Variants in KANSL2 observed in about 807,000 individuals in gnomAD.
KANSL2 encodes the protein NSL complex protein NSL2.
KANSL2 carries 34 observed loss-of-function variants against 55.6 expected under a neutral mutation model. The observed-to-expected ratio is 0.61, with a 90% CI of 0.46 to 0.81. The LOEUF is 0.81. Among genes scored for constraint, KANSL2 ranks in the 40% least tolerant of loss-of-function variants. The probability of loss-of-function intolerance (pLI) is 0.00; values close to 1 mark genes in which losing one functional copy is unlikely to be tolerated. For synonymous variants in KANSL2, 209 were observed against 214.3 expected (o/e 0.98, Z 0.22); for missense variants, 502 against 609.9 (o/e 0.82, Z 1.86).
intron 4 of KANSL2, among the ~76,000 whole-genome samples, chr12:48,672,390 C>CGT (rs1565608328): frequency 2.3e-4 from 29 of 127,320 alleles, no homozygotes; most frequent in African/African-American, 9.1e-4. Flanking sequence ...TATATATATA[C>CGT]ATGTATATAT....
chr12:48,682,197 G>C lies in KANSL2; in HGVS notation c.-20C>G, dbSNP rs550584533. On this transcript the variant is annotated 5_prime_UTR_variant, in exon 1 of 10. Coordinates refer to ENST00000420613, the MANE Select transcript of KANSL2 (RefSeq NM_017822.4). ...GCACCGCCATCTTACCTCAGGAGCT[G>C]CGCTGCGCCGCACTCTGCCGCGCCG... The C allele has an allele frequency of 3.8e-5, 26 of 676,450 alleles. No homozygotes were observed. In the East Asian group the frequency reaches 6.8e-4, roughly 18 times the overall value. The allele number at this position is 676,450 out of a possible 1,614,324, so 41.9% of individuals were successfully genotyped here. A position where few individuals can be genotyped will look rare whatever the true frequency, so the allele number is the denominator to read the frequency against.
At chr12:48,655,802 T>C (rs1402553854) in intron 8 of KANSL2, among the ~76,000 whole-genome samples, 1 of 152,116 alleles carries the variant, frequency 6.6e-6, no homozygotes, top group Non-Finnish European at 1.5e-5. Context: ...GGCTCATGCC[T>C]ATGATAACAA....
At chr12:48,681,950 C>T in intron 1 of KANSL2, 2 of 702,948 alleles carry the variant, frequency 2.8e-6, no homozygotes, top group Non-Finnish European at 5.2e-6. Flanking sequence ...CCTCCCCGCA[C>T]GCCGCCTTTG....
Position 48,654,679 on chromosome 12 carries a change from T to C in KANSL2, c.1347+262A>G, listed in dbSNP as rs919712783. 1.5e-5 allele frequency: 8 copies of C among 542,842 alleles called. No individual in the cohort carries two copies. The East Asian group carries it at 2.9e-4, about 19-fold the overall frequency. 33.6% of individuals were successfully genotyped at this position (542,842 alleles called of 1,614,324 possible). Reference sequence around the variant, plus strand: ...ATTTAAATAAATGTATGTCCTACTCTGGGATATGAGGATCACGGGCCATTA... The same window carrying C: ...ATTTAAATAAATGTATGTCCTACTCCGGGATATGAGGATCACGGGCCATTA... On this transcript the variant is annotated intron_variant, in intron 9 of 9. Coordinates refer to ENST00000420613, the MANE Select transcript of KANSL2 (RefSeq NM_017822.4).
At chr12:48,675,927 C>T (rs1034127054) in intron 4 of KANSL2, among the ~76,000 whole-genome samples, 1 of 152,048 alleles carries the variant, frequency 6.6e-6, no homozygotes, top group Non-Finnish European at 1.5e-5. Context: ...GGGCATTCTC[C>T]AAATTTATTT....
In KANSL2 at chr12:48,667,699, G is replaced by A. The variant is rs754135506; in HGVS notation, c.967C>T (p.Leu323Phe). The A allele has an allele frequency of 1.2e-6, 2 of 1,610,478 alleles. No homozygotes were observed. The highest frequency in any genetic ancestry group is 2.2e-5 in the East Asian group (1 of 44,862). Reference sequence around the variant, plus strand: ...AGGCAGAGTAAAAAGATACGGGTAAGGCAGTGTCTGGTCATTGGAAGAGAC... The same window carrying A: ...AGGCAGAGTAAAAAGATACGGGTAAAGCAGTGTCTGGTCATTGGAAGAGAC... ...NQSLPMTRHC[L>F]THICQDTNQV... Residue 323 changes from leucine (L) to phenylalanine (F), a missense_variant, in exon 7 of 10, where the codon CTT becomes TTT. By Grantham distance (22) the Leu-to-Phe change is conservative. Coordinates refer to ENST00000420613, the MANE Select transcript of KANSL2 (RefSeq NM_017822.4).
At chr12:48,663,913 CTTTTTTTTT>C (rs34879709) in intron 7 of KANSL2, among the ~76,000 whole-genome samples, 1 of 112,566 alleles carries the variant, frequency 8.9e-6, no homozygotes, top group South Asian at 3.1e-4. Flanking sequence ...AACTATTAGC[CTTTTTTTTT>C]TTTTTTTTTT....
chr12:48,657,659 C>G (rs1255082247), intron 8 of KANSL2, among the ~76,000 whole-genome samples: 1 of 152,028 alleles, frequency 6.6e-6, no homozygotes, highest in Non-Finnish European at 1.5e-5. Flanking sequence ...TCTTGTTACC[C>G]AGGCTGGAGT....
chr12:48,681,887 A>G, intron 1 of KANSL2: 1 of 703,810 alleles, frequency 1.4e-6, no homozygotes, highest in East Asian at 2.7e-5. Flanking sequence ...GGACTCGCAC[A>G]GCTGCAGCAC....
chr12:48,672,177 T>C (rs558476953), intron 4 of KANSL2, among the ~76,000 whole-genome samples: 1 of 151,934 alleles, frequency 6.6e-6, no homozygotes, highest in East Asian at 1.9e-4. Flanking sequence ...TTTCCCAAAA[T>C]GGGGGAAGGA....
At chr12:48,671,274 T>TA (rs10648260) in intron 5 of KANSL2, among the ~76,000 whole-genome samples, 60,517 of 142,164 alleles carry the variant, frequency 0.43, 13,290 homozygotes, top group African/African-American at 0.53. Flanking sequence ...CCGTCTCAAT[T>TA]AAAAAAAAAA....
chr12:48,678,354 G>A lies in KANSL2; in HGVS notation c.545+682C>T, dbSNP rs139715116. Among the ~76,000 whole-genome samples, 139 of 152,218 alleles carry A rather than the reference G, an allele frequency of 9.1e-4. 1 individual carries two copies. The East Asian group carries it at 0.023, about 26-fold the overall frequency. On this transcript the variant is annotated intron_variant, in intron 4 of 9. Transcript: ENST00000420613. ...TAAGTGAAGAGCAGAAGCTTACTAAGATATAAACCTGATTAAGATATAATC... is the reference window on the plus strand; with the variant it reads ...TAAGTGAAGAGCAGAAGCTTACTAAAATATAAACCTGATTAAGATATAATC...
At chr12:48,656,665 G>C (rs554025115) in intron 8 of KANSL2, 1 of 505,544 alleles carries the variant, frequency 2.0e-6, no homozygotes, top group African/African-American at 2.0e-5. Flanking sequence ...TCTTCCAACT[G>C]AATTGGCAAT....
chr12:48,671,723 T>G, intron 5 of KANSL2, 76 bp downstream of exon 5: 1 of 1,389,888 alleles, frequency 7.2e-7, no homozygotes, highest in Non-Finnish European at 9.9e-7. Flanking sequence ...TCCCCATCAT[T>G]AAGTGACACA....
At chr12:48,666,514 G>A (rs962894618) in intron 7 of KANSL2, among the ~76,000 whole-genome samples, 5 of 151,820 alleles carry the variant, frequency 3.3e-5, no homozygotes, top group Non-Finnish European at 7.4e-5. Flanking sequence ...CCAACATGGT[G>A]AAACCCCATC....
intron 1 of KANSL2, chr12:48,681,916 C>CTG (rs1269749569): frequency 1.1e-5 from 8 of 703,350 alleles, no homozygotes; most frequent in Non-Finnish European, 2.1e-5. Context: ...GCGACAACAC[C>CTG]AGCCCCACGC....
intron 7 of KANSL2, among the ~76,000 whole-genome samples, chr12:48,662,312 C>T (rs570028326): frequency 4.3e-4 from 65 of 152,310 alleles, no homozygotes; most frequent in African/African-American, 1.5e-3. Context: ...GCCATGTTGG[C>T]CAGGCTGGTC....
chr12:48,663,298 T>G (rs1200686479), intron 7 of KANSL2, among the ~76,000 whole-genome samples: 1 of 152,250 alleles, frequency 6.6e-6, no homozygotes, highest in Non-Finnish European at 1.5e-5. Flanking sequence ...TCTATTTATA[T>G]TCCCACTGGC....
Position 48,671,819 on chromosome 12 carries a change from T to C in KANSL2, c.689A>G (p.Lys230Arg). 1 of 1,612,156 alleles carries C rather than the reference T, an allele frequency of 6.2e-7. No homozygotes were observed. The highest frequency in any genetic ancestry group is 8.5e-7 in the Non-Finnish European group (1 of 1,178,894). The stretch of plus-strand genomic sequence containing the variant: ...CTTGCCTAGAGCTTCATGTTCCACT[T>C]TGCGATTATGTAAGTATCGGCGCTT... ...EKKRRYLHNR[K>R]VEHEALGSSL... The change falls in exon 5 of 10, where the codon AAA (lysine) becomes AGA (arginine). Residue 230 changes from lysine (K) to arginine (R), a missense_variant. Transcript: ENST00000420613.
Sources: gnomAD v4.1 joint callset for allele counts (sites outside exome capture counted in the v4.1 genomes callset) on GRCh38, gnomAD v4.1.1 for gene constraint, MANE v1.5 for transcripts, NCBI Gene and HGNC (gene_info 2026-07-23, HGNC 2026-07-21) for gene names.